PAX4: variants seen among roughly 807,000 people sequenced by gnomAD.
PAX4 encodes paired box protein Pax-4.
PAX4 carries 33 observed loss-of-function variants against 40.6 expected under a neutral mutation model. The observed-to-expected ratio is 0.81, with a 90% CI of 0.62 to 1.09. PAX4 has a LOEUF of 1.09. Ranked by LOEUF, PAX4 falls within the 50% of genes least tolerant of loss-of-function variation. The pLI, the probability that PAX4 is intolerant of heterozygous loss-of-function variation, is 0.00. For synonymous variants in PAX4, 174 were observed against 170.6 expected (o/e 1.02, Z -0.16); for missense variants, 459 against 442.5 (o/e 1.04, Z -0.33).
chr7:127,615,707 G>T (rs754931916), intron 3 of PAX4, 176 bp from the exon 4 acceptor site: 154 of 1,511,848 alleles, frequency 1.0e-4, no homozygotes, highest in Admixed American at 3.0e-4. Flanking sequence ...TTTGAGAGCT[G>T]GCTCACGGGT....
rs373939873 is a variant in PAX4, at chr7:127,615,053, G to C, written c.187C>G (p.Arg63Gly). The C allele has an allele frequency of 6.2e-7, 1 of 1,614,186 alleles. No individual in the cohort carries two copies. Residue 63 changes from arginine to glycine, a missense_variant, in exon 5 of 12, where the codon CGC (arginine) becomes GGC (glycine). By Grantham distance (125) the Arg-to-Gly change is moderately radical. Transcript: ENST00000639438. ...CCCTTTGGCTCCAAGACACCTGTGCGGTAGTAACGCCCTAGGATCTTGCTC... is the reference window on the plus strand; with the variant it reads ...CCCTTTGGCTCCAAGACACCTGTGCCGTAGTAACGCCCTAGGATCTTGCTC... ...CVSKILGRYY[R>G]TGVLEPKGIG...
In PAX4 at chr7:127,611,685, A is replaced by G; in HGVS notation, c.772-9T>C. On this transcript the variant is annotated splice_polypyrimidine_tract_variant and intron_variant, in intron 10 of 11. Coordinates refer to ENST00000639438, the MANE Select transcript of PAX4 (RefSeq NM_001366110.1). ...ACACTGCCAGGGGACTGCTAAAAAA[A>G]AAAAGCAAGAGAAGAACCTTAGCTT... is the stretch of plus-strand genomic sequence containing the variant. The G allele has an allele frequency of 6.2e-7, 1 of 1,609,074 alleles. No individual in the cohort carries two copies. Among genetic ancestry groups the G allele is most frequent in the Non-Finnish European group, 8.5e-7 (1 of 1,179,954 alleles).
At chr7:127,615,702 G>A (rs1178005727) in intron 3 of PAX4, 171 bp from the exon 4 acceptor site, 4 of 1,516,076 alleles carry the variant, frequency 2.6e-6, no homozygotes, top group Non-Finnish European at 3.5e-6. Flanking sequence ...CTTTCTTTGA[G>A]AGCTGGCTCA....
intron 8 of PAX4, 138 bp from the exon 9 acceptor site, chr7:127,613,229 T>C: frequency 2.3e-6 from 2 of 873,836 alleles, no homozygotes; most frequent in South Asian, 2.8e-5. Context: ...TGCTCTAGCT[T>C]TTGCTCTCTG....
chr7:127,612,286 T>A (rs1269544051), intron 9 of PAX4, among the ~76,000 whole-genome samples: 1 of 152,196 alleles, frequency 6.6e-6, no homozygotes, highest in Non-Finnish European at 1.5e-5. Flanking sequence ...GGTCTGGCAC[T>A]GGGGAGATGC....
At chr7:127,615,841 A>T in intron 3 of PAX4, 75 bp downstream of exon 3, 1 of 1,533,956 alleles carries the variant, frequency 6.5e-7, no homozygotes, top group African/African-American at 1.4e-5. Context: ...GAAACAGTTG[A>T]TGGAAGCAAA....
Position 127,613,093 on chromosome 7 carries a change from T to A in PAX4, c.646-2A>T. On this transcript the variant is annotated splice_acceptor_variant, in intron 8 of 11. Transcript: ENST00000639438. LOFTEE classifies it high-confidence loss of function. Reference sequence around the variant, plus strand: ...GGCTCTTCTGTTGGAAAACCAGACCTGAGCGAGGACAGGGACAATGCAGCT... The same window carrying A: ...GGCTCTTCTGTTGGAAAACCAGACCAGAGCGAGGACAGGGACAATGCAGCT... The A allele has an allele frequency of 6.2e-7, 1 of 1,613,060 alleles. No homozygotes were observed. Among genetic ancestry groups the A allele is most frequent in the African/African-American group, 1.3e-5 (1 of 75,016 alleles).
chr7:127,612,025 CA>C, intron 9 of PAX4, 25 bp from the exon 10 acceptor site: 1 of 1,611,952 alleles, frequency 6.2e-7, no homozygotes, highest in Non-Finnish European at 8.5e-7. Flanking sequence ...TGAATCCACT[CA>C]GAAGGAGGAA....
Position 127,615,931 on chromosome 7 carries a change from T to A in PAX4, c.-3A>T. The A allele has an allele frequency of 6.5e-7, 1 of 1,536,058 alleles. No individual in the cohort carries two copies. Among genetic ancestry groups the A allele is most frequent in the Non-Finnish European group, 8.7e-7 (1 of 1,146,908 alleles). ...GGCTCCTCACCGTCCTGATGCATGC[T>A]CCAGGCTGACCCTCCTCAGAAGGAT... On this transcript the variant is annotated 5_prime_UTR_variant, in exon 3 of 12. Coordinates refer to ENST00000639438, the MANE Select transcript of PAX4 (RefSeq NM_001366110.1).
rs373939873 is a variant in PAX4 at position 127,615,053 on chromosome 7, G to A, written c.187C>T (p.Arg63Cys). 29 of 1,614,068 alleles carry A rather than the reference G, an allele frequency of 1.8e-5. No individual in the cohort carries two copies. Among genetic ancestry groups the A allele is most frequent in the East Asian group, 1.1e-4 (5 of 44,884 alleles). The change falls in exon 5 of 12, where the codon CGC becomes TGC. Residue 63 changes from arginine (R) to cysteine (C), a missense_variant. By Grantham distance (180) the Arg-to-Cys change is radical. Coordinates refer to ENST00000639438, the MANE Select transcript of PAX4 (RefSeq NM_001366110.1). Reference sequence around the variant, plus strand: ...CCCTTTGGCTCCAAGACACCTGTGCGGTAGTAACGCCCTAGGATCTTGCTC... The same window carrying A: ...CCCTTTGGCTCCAAGACACCTGTGCAGTAGTAACGCCCTAGGATCTTGCTC... The part of the protein sequence containing the change: ...CVSKILGRYY[R>C]TGVLEPKGIG...
In PAX4 at chr7:127,617,397, G is replaced by A. The variant is rs961533052; in HGVS notation, c.-222C>T. 1.3e-5 allele frequency: 2 copies of A among 152,176 alleles called. No homozygotes were observed. The highest frequency in any genetic ancestry group is 2.9e-5 in the Non-Finnish European group (2 of 68,028). The allele number at this position is 152,176 out of a possible 1,614,324, so 9.4% of individuals were successfully genotyped here. A position where few individuals can be genotyped will look rare whatever the true frequency, so the allele number is the denominator to read the frequency against. ...CACAGATTGGCATTGCCACAAGTCAGGGGCTGTCCAGAGAGTAAAATTCAA... is the reference window on the plus strand; with the variant it reads ...CACAGATTGGCATTGCCACAAGTCAAGGGCTGTCCAGAGAGTAAAATTCAA... On this transcript the variant is annotated 5_prime_UTR_variant, in exon 2 of 12. Coordinates refer to ENST00000639438, the MANE Select transcript of PAX4 (RefSeq NM_001366110.1).
chr7:127,614,515 G>C lies in PAX4; in HGVS notation c.403C>G (p.Gln135Glu), dbSNP rs886061969. 3 of 1,597,346 alleles carry C rather than the reference G, an allele frequency of 1.9e-6. No individual in the cohort carries two copies. Among genetic ancestry groups the C allele is most frequent in the African/African-American group, 1.3e-5 (1 of 74,796 alleles). The change falls in exon 6 of 12, where the codon CAG becomes GAG. Residue 135 changes from glutamine (Q) to glutamate (E), a missense_variant. Physicochemically the swap from Gln to Glu is conservative, Grantham distance 29. Coordinates refer to ENST00000639438, the MANE Select transcript of PAX4 (RefSeq NM_001366110.1). ...CTGAGCCGTGTGCACGGTAGTCCCT[G>C]GTCCTCCTGTAATGCCCGCAGGACT... ...NRVLRALQED[Q>E]GLPCTRLRSP...
chr7:127,615,321 G>T (rs1342493771), intron 4 of PAX4, 80 bp downstream of exon 4: 1 of 1,612,406 alleles, frequency 6.2e-7, no homozygotes, highest in African/African-American at 1.3e-5. Flanking sequence ...GCCTGCAACA[G>T]CCCCAGGCTC....
intron 2 of PAX4, among the ~76,000 whole-genome samples, chr7:127,616,891 A>T (rs1338516872): frequency 6.6e-6 from 1 of 152,256 alleles, no homozygotes; most frequent in African/African-American, 2.4e-5. Flanking sequence ...CAAGGGACAC[A>T]GGTCCCACAG....
chr7:127,613,399 G>T (rs993167484), intron 8 of PAX4, 51 bp downstream of exon 8: 2 of 1,568,174 alleles, frequency 1.3e-6, no homozygotes, highest in African/African-American at 2.7e-5. Flanking sequence ...GCCCTGGCCG[G>T]CCCAGACTCT....
At chr7:127,612,470 G>T (rs1794645665) in intron 9 of PAX4, among the ~76,000 whole-genome samples, 1 of 28,736 alleles carries the variant, frequency 3.5e-5, no homozygotes, top group South Asian at 1.2e-3. Context: ...TGAATGGGTG[G>T]ATGGATGGAT....
Position 127,614,996 on chromosome 7 carries a change from G to C in PAX4, c.244C>G (p.Pro82Ala), listed in dbSNP as rs1268605378. Residue 82 changes from proline to alanine, a missense_variant, in exon 5 of 12, where the codon CCC becomes GCC. Coordinates refer to ENST00000639438, the MANE Select transcript of PAX4 (RefSeq NM_001366110.1). ...TGGGCAATTCGAGCCACCACAGGGG[G>C]TGTAGCCAGCCGTGGCTTGCTTCCC... is the stretch of plus-strand genomic sequence containing the variant. Reference protein sequence around the residue: ...IGGSKPRLATPPVVARIAQLK... With the variant: ...IGGSKPRLATAPVVARIAQLK... The C allele has an allele frequency of 6.2e-7, 1 of 1,614,196 alleles. No individual in the cohort carries two copies. Among genetic ancestry groups the C allele is most frequent in the Non-Finnish European group, 8.5e-7 (1 of 1,180,036 alleles).
Position 127,610,936 on chromosome 7 carries a change from A to G in PAX4, c.*128T>C, listed in dbSNP as rs1227892213. The stretch of plus-strand genomic sequence containing the variant: ...GAGAGGCATCGAGGCAGGGCCAGGC[A>G]ACGTCCACACAGGAGGGAGCAATCA... On this transcript the variant is annotated 3_prime_UTR_variant, in exon 12 of 12. Transcript: ENST00000639438. 5 of 1,549,308 alleles carry G rather than the reference A, an allele frequency of 3.2e-6. No homozygotes were observed. In the African/African-American group the frequency reaches 5.5e-5, roughly 17 times the overall value.
chr7:127,616,141 T>A, intron 2 of PAX4, 114 bp from the exon 3 acceptor site: 1 of 581,224 alleles, frequency 1.7e-6, no homozygotes, highest in South Asian at 2.3e-5. Context: ...TTGGCTAAAA[T>A]CAGAAAATTC....
Sources: gnomAD v4.1 joint callset for allele counts (sites outside exome capture counted in the v4.1 genomes callset) on GRCh38, gnomAD v4.1.1 for gene constraint, MANE v1.5 for transcripts, NCBI Gene and HGNC (gene_info 2026-07-23, HGNC 2026-07-21) for gene names.